The following TRIOBP variants were observed in gnomAD, a reference collection of about 807,000 sequenced individuals.
TRIOBP encodes the protein TRIO and F-actin binding protein, also known as TRIO and F-actin-binding protein.
In TRIOBP, 169 loss-of-function variants were observed where a neutral mutation model predicts 238.8. That is an observed-to-expected ratio of 0.71 (90% CI 0.62 to 0.80). TRIOBP has a LOEUF of 0.80. Among genes scored for constraint, TRIOBP ranks in the 30% least tolerant of loss-of-function variants. TRIOBP has a pLI of 0.00. For missense variants in TRIOBP, 2,838 were observed against 3,122.6 expected, an observed-to-expected ratio of 0.91 and a Z score of 2.17; for synonymous variants, 1,150 against 1,274.4, an observed-to-expected ratio of 0.90 and a Z score of 2.08.
chr22:37,729,532 A>G (rs1181534823), intron 7 of TRIOBP, among the ~76,000 whole-genome samples: 3 of 152,108 alleles, frequency 2.0e-5, no homozygotes, highest in Admixed American at 6.6e-5. Flanking sequence ...AATTTTCCTA[A>G]CTTTGTCTTA....
chr22:37,771,513 A>G, intron 21 of TRIOBP, 137 bp from the exon 22 acceptor site: 2 of 749,606 alleles, frequency 2.7e-6, no homozygotes, highest in Non-Finnish European at 4.7e-6. Flanking sequence ...GTCCGCCTCC[A>G]GGATGTAGAG....
At chr22:37,733,026 A>C (rs1401940676) in intron 7 of TRIOBP, among the ~76,000 whole-genome samples, 1 of 152,258 alleles carries the variant, frequency 6.6e-6, no homozygotes, top group Non-Finnish European at 1.5e-5. Context: ...GGCCAGGGCC[A>C]GATCCCCCTC....
chr22:37,726,391 C>T lies in TRIOBP; in HGVS notation c.3835C>T (p.Pro1279Ser), dbSNP rs767132549. ...EYTVLADLPPPRRLAQRQPGP... is the reference protein window; with the variant it reads ...EYTVLADLPPSRRLAQRQPGP... Reference sequence around the variant, plus strand: ...CACTGTGCTGGCCGACCTGCCCCCACCCAGGAGGCTGGCCCAGAGACAGCC... The same window carrying T: ...CACTGTGCTGGCCGACCTGCCCCCATCCAGGAGGCTGGCCCAGAGACAGCC... Residue 1279 changes from proline (P) to serine (S), a missense_variant, in exon 7 of 24, where the codon CCC becomes TCC. Pro to Ser is a moderately conservative substitution (Grantham distance 74). This residue lies in a region of TRIOBP where 2,096 missense variants were observed against 2,137.4 expected (regional missense o/e 0.98). Coordinates refer to ENST00000644935, the MANE Select transcript of TRIOBP (RefSeq NM_001039141.3). 3 of 1,587,876 alleles carry T rather than the reference C, an allele frequency of 1.9e-6. No homozygotes were observed. Among genetic ancestry groups the T allele is most frequent in the Non-Finnish European group, 2.6e-6 (3 of 1,166,682 alleles).
rs111443646 is a variant in TRIOBP, at chr22:37,717,371, G to T, written c.628+1437G>T. Reference sequence around the variant, plus strand: ...GCTTCCACAGCATGGAAGAGGACCCGAGCGGGTTGCCAGAGCTGGCTGGGG... The same window carrying T: ...GCTTCCACAGCATGGAAGAGGACCCTAGCGGGTTGCCAGAGCTGGCTGGGG... On this transcript the variant is annotated intron_variant, in intron 6 of 23. Transcript: ENST00000644935. Among the ~76,000 whole-genome samples, 1,038 of 152,290 alleles carry T rather than the reference G, an allele frequency of 6.8e-3. 12 individuals carry two copies. Among genetic ancestry groups the T allele is most frequent in the African/African-American group, 0.023 (970 of 41,570 alleles).
chr22:37,713,383 CTGA>C lies in TRIOBP; in HGVS notation c.433_435del (p.Asp145del). 21 of 1,613,772 alleles carry C rather than the reference CTGA, an allele frequency of 1.3e-5. No individual in the cohort carries two copies. The highest frequency in any genetic ancestry group is 1.8e-5 in the Non-Finnish European group (21 of 1,180,002). Reference sequence around the variant, plus strand: ...ACCTCCAGCCCTGACTCCGCCACCCCTGATGATACCAGCAACTCGTCCTCTGTG... The same window carrying C: ...ACCTCCAGCCCTGACTCCGCCACCCCTGATACCAGCAACTCGTCCTCTGTG... On this transcript the variant is annotated inframe_deletion, in exon 5 of 24. Transcript: ENST00000644935.
At chr22:37,719,497 C>A (rs1370689278) in intron 6 of TRIOBP, among the ~76,000 whole-genome samples, 1 of 152,086 alleles carries the variant, frequency 6.6e-6, no homozygotes, top group Non-Finnish European at 1.5e-5. Context: ...GATGTGGCAT[C>A]TTCAACTGAG....
Position 37,733,412 on chromosome 22 carries a change from G to A in TRIOBP, c.4062G>A (p.Gln1354=), listed in dbSNP as rs1924517643. ...RRQSSPAPSR[Q]VTMLPAKQAE... ...AGTCCAGCCCTGCCCCCAGCAGGCA[G>A]GTGAGCACTGCCAGCTGTCTGGGGC... is the stretch of plus-strand genomic sequence containing the variant. Residue 1354 remains glutamine (Q), a splice_region_variant and synonymous_variant, in exon 8 of 24, where the codon CAG becomes CAA. Transcript: ENST00000644935. 6.5e-7 allele frequency: 1 copy of A among 1,550,144 alleles called. No homozygotes were observed. Among genetic ancestry groups the A allele is most frequent in the Non-Finnish European group, 8.7e-7 (1 of 1,146,604 alleles).
At chr22:37,755,297 A>G in intron 14 of TRIOBP, 107 bp downstream of exon 14, 2 of 1,202,664 alleles carry the variant, frequency 1.7e-6, no homozygotes, top group Middle Eastern at 2.2e-4. Context: ...GGATCCCTTC[A>G]CTCATTTACC....
At chr22:37,752,167 C>T (rs1925647571) in intron 12 of TRIOBP, among the ~76,000 whole-genome samples, 1 of 152,062 alleles carries the variant, frequency 6.6e-6, no homozygotes, top group East Asian at 1.9e-4. Context: ...ACACAGATTC[C>T]TAAAGCCTGG....
Position 37,765,830 on chromosome 22 carries a change from G to A in TRIOBP, c.6472+13G>A, listed in dbSNP as rs774492188. The A allele has an allele frequency of 1.1e-5, 17 of 1,586,896 alleles. No homozygotes were observed. The highest frequency in any genetic ancestry group is 2.3e-5 in the East Asian group (1 of 44,046). Reference sequence around the variant, plus strand: ...GCCACGGCCTCAGGTATGGACCCTGGGGGGGGCACAGTGGGCTGGGCTCTG... The same window carrying A: ...GCCACGGCCTCAGGTATGGACCCTGAGGGGGGCACAGTGGGCTGGGCTCTG... On this transcript the variant is annotated intron_variant, in intron 18 of 23. Transcript: ENST00000644935.
In TRIOBP at chr22:37,725,783, C is replaced by T; in HGVS notation, c.3227C>T (p.Pro1076Leu). The T allele has an allele frequency of 6.2e-7, 1 of 1,608,514 alleles. No individual in the cohort carries two copies. ...GHRDAPRASS[P>L]PRHTQFDPFP... Reference sequence around the variant, plus strand: ...CGAGATGCCCCCCGGGCGTCCTCGCCCCCCCGCCACACCCAATTTGACCCC... The same window carrying T: ...CGAGATGCCCCCCGGGCGTCCTCGCTCCCCCGCCACACCCAATTTGACCCC... Residue 1076 changes from proline to leucine, a missense_variant, in exon 7 of 24, where the codon CCC (proline) becomes CTC (leucine). By Grantham distance (98) the Pro-to-Leu change is moderately conservative. This residue lies in a region of TRIOBP where 2,096 missense variants were observed against 2,137.4 expected (regional missense o/e 0.98). Coordinates refer to ENST00000644935, the MANE Select transcript of TRIOBP (RefSeq NM_001039141.3).
rs775510664 is a variant in TRIOBP at position 37,723,721 on chromosome 22, A to C, written c.1165A>C (p.Arg389=). Residue 389 remains arginine, a synonymous_variant, in exon 7 of 24, where the codon AGA becomes CGA. Transcript: ENST00000644935. The part of the protein sequence containing the change: ...RTPCVQQDDP[R]ASSPNRTTQR... ...ACCCTGTGTCCAGCAGGACGATCCC[A>C]GAGCCTCCTCTCCCAACAGAACCAC... The C allele has an allele frequency of 1.6e-5, 25 of 1,607,468 alleles. No homozygotes were observed. The highest frequency in any genetic ancestry group is 1.9e-5 in the Non-Finnish European group (22 of 1,176,370).
chr22:37,740,900 C>T lies in TRIOBP; in HGVS notation c.5190C>T (p.Asp1730=). 6.4e-7 allele frequency: 1 copy of T among 1,572,910 alleles called. No individual in the cohort carries two copies. Among genetic ancestry groups the T allele is most frequent in the African/African-American group, 1.3e-5 (1 of 74,604 alleles). ...LTDQKQADSA[D]KRPAEGKAGS... ...CACTGGACCCTGTTTGACAGGCAGA[C>T]AAGAGGCCAGCAGAGGGCAAGGCTG... Residue 1730 remains aspartate (D), a synonymous_variant, in exon 11 of 24, where the codon GAC becomes GAT. Coordinates refer to ENST00000644935, the MANE Select transcript of TRIOBP (RefSeq NM_001039141.3).
chr22:37,760,041 T>C (rs911278307), intron 17 of TRIOBP: 1 of 22,514 alleles, frequency 4.4e-5, no homozygotes, highest in African/African-American at 1.2e-3. Context: ...CAAAGGGGGT[T>C]GTTCTAACGT....
intron 18 of TRIOBP, 58 bp from the exon 19 acceptor site, chr22:37,768,016 C>T (rs1926585987): frequency 2.2e-6 from 3 of 1,380,052 alleles, no homozygotes; most frequent in South Asian, 2.4e-5. Flanking sequence ...GAGCTGGTGG[C>T]ACTTGGTGCT....
intron 3 of TRIOBP, 97 bp downstream of exon 3, chr22:37,701,576 T>C: frequency 1.2e-6 from 1 of 852,706 alleles, no homozygotes; most frequent in Non-Finnish European, 2.0e-6. Flanking sequence ...TGAACCCAGA[T>C]GCTGGACTTC....
chr22:37,756,346 A>C (rs1347804999), intron 15 of TRIOBP, among the ~76,000 whole-genome samples: 2 of 152,192 alleles, frequency 1.3e-5, no homozygotes, highest in Non-Finnish European at 2.9e-5. Context: ...CTGTCAGCTG[A>C]GGTGGGAGGA....
chr22:37,701,412 A>T lies in TRIOBP; in HGVS notation c.47A>T (p.Asn16Ile), dbSNP rs775321939. 1 of 1,613,926 alleles carries T rather than the reference A, an allele frequency of 6.2e-7. No individual in the cohort carries two copies. Among genetic ancestry groups the T allele is most frequent in the Non-Finnish European group, 8.5e-7 (1 of 1,179,970 alleles). ...GDALCEHFEA[N>I]ILTQNRCQNC... ...GCCCTGTGTGAACACTTTGAGGCCA[A>T]CATACTTACCCAGAACCGCTGTCAA... Residue 16 changes from asparagine to isoleucine, a missense_variant, in exon 3 of 24, where the codon AAC (asparagine) becomes ATC (isoleucine). Asn to Ile is a moderately radical substitution (Grantham distance 149). Around this residue, in one of 5 missense-constraint regions of TRIOBP, gnomAD observed 535 missense variants for 537.3 expected, o/e 1.00. Transcript: ENST00000644935.
At chr22:37,751,316 A>T (rs1484632307) in intron 11 of TRIOBP, 2 of 340,016 alleles carry the variant, frequency 5.9e-6, no homozygotes, top group African/African-American at 2.2e-5. Context: ...CGAGGAAAGG[A>T]CAGGACTGGC....
Sources: allele counts gnomAD v4.1 joint callset (sites outside exome capture counted in the v4.1 genomes callset), GRCh38; gene constraint gnomAD v4.1.1; regional missense constraint gnomAD v4.1.1; transcripts MANE v1.5; gene names NCBI Gene and HGNC (gene_info 2026-07-23, HGNC 2026-07-21).